The following ASIC4 variants were observed in gnomAD, a reference collection of about 807,000 sequenced individuals.
The protein encoded by ASIC4 is acid sensing ion channel subunit family member 4.
A neutral mutation model predicts 53.4 loss-of-function variants in ASIC4; 28 were observed. The observed-to-expected ratio is 0.52, with a 90% CI of 0.39 to 0.72. The LOEUF is 0.72. Among genes scored for constraint, ASIC4 ranks in the 30% least tolerant of loss-of-function variants. ASIC4 has a pLI of 0.00. For missense variants in ASIC4, 649 were observed against 729.7 expected, an observed-to-expected ratio of 0.89 and a Z score of 1.27; for synonymous variants, 289 against 301.4, an observed-to-expected ratio of 0.96 and a Z score of 0.43.
At chr2:219,512,658 T>C (rs1694716985), upstream of ASIC4, among the ~76,000 whole-genome samples, 1 of 152,196 alleles carries the variant, frequency 6.6e-6, no homozygotes, top group Non-Finnish European at 1.5e-5. Context: ...CTTTCAGTGC[T>C]AACTCAGCGG....
rs1694828914 is a variant in ASIC4, at chr2:219,518,278, A to G, written c.582+2972A>G. On this transcript the variant is annotated intron_variant, in intron 1 of 9. Coordinates refer to ENST00000358078, the MANE Select transcript of ASIC4 (RefSeq NM_018674.6). This position sits in a 1 kb window ranked among gnomAD's most constrained non-coding sequence, Gnocchi z 4.8. ...CCATGCAAGAGTTAATCAGCCATGC[A>G]AGTGGTGTCATAAGGTGCCAGGATC... is the stretch of plus-strand genomic sequence containing the variant. 6.6e-6 allele frequency among the ~76,000 whole-genome samples: 1 copy of G among 152,158 alleles called. No individual in the cohort carries two copies. Among genetic ancestry groups the G allele is most frequent in the South Asian group, 2.1e-4 (1 of 4,820 alleles).
intron 1 of ASIC4, among the ~76,000 whole-genome samples, chr2:219,529,662 T>C (rs1695009026): frequency 6.6e-6 from 1 of 152,176 alleles, no homozygotes; most frequent in Non-Finnish European, 1.5e-5. Context: ...CCCAGCTGTG[T>C]GACTTTGGAC....
chr2:219,517,691 C>G lies in ASIC4; in HGVS notation c.582+2385C>G, dbSNP rs942513817. Among the ~76,000 whole-genome samples, 5 of 152,062 alleles carry G rather than the reference C, an allele frequency of 3.3e-5. No homozygotes were observed. Among genetic ancestry groups the G allele is most frequent in the Non-Finnish European group, 7.4e-5 (5 of 68,012 alleles). ...GGGCATGGAGATGAAGATATGGGGT[C>G]TCCAAAAAGGACGTGAGGTCCATAA... On this transcript the variant is annotated intron_variant, in intron 1 of 9. Coordinates refer to ENST00000358078, the MANE Select transcript of ASIC4 (RefSeq NM_018674.6). This position sits in a 1 kb window ranked among gnomAD's most constrained non-coding sequence, Gnocchi z 4.2.
Position 219,538,017 on chromosome 2 carries a change from G to C in ASIC4, c.1591G>C (p.Gly531Arg). The C allele has an allele frequency of 6.2e-7, 1 of 1,613,420 alleles. No homozygotes were observed. Among genetic ancestry groups the C allele is most frequent in the Non-Finnish European group, 8.5e-7 (1 of 1,179,798 alleles). The part of the protein sequence containing the change: ...PNHHHPHGPP[G>R]GLFEDFAC Reference sequence around the variant, plus strand: ...TCACCACCACCCCCACGGTCCCCCAGGAGGTCTCTTTGAAGATTTTGCTTG... The same window carrying C: ...TCACCACCACCCCCACGGTCCCCCACGAGGTCTCTTTGAAGATTTTGCTTG... Residue 531 changes from glycine to arginine, a missense_variant, in exon 10 of 10, where the codon GGA becomes CGA. Coordinates refer to ENST00000358078, the MANE Select transcript of ASIC4 (RefSeq NM_018674.6).
chr2:219,537,574 C>T lies in ASIC4; in HGVS notation c.1402-58C>T, dbSNP rs1034492931. The stretch of plus-strand genomic sequence containing the variant: ...GGGCAGCTGGGCATGGTAAGGCTCA[C>T]GCTTCTCCTCAACCAAATTTCCTGA... On this transcript the variant is annotated intron_variant, in intron 8 of 9. Coordinates refer to ENST00000358078, the MANE Select transcript of ASIC4 (RefSeq NM_018674.6). The surrounding 1 kb of genome is among the most constrained non-coding windows in gnomAD (Gnocchi z 4.9). 36 of 1,475,296 alleles carry T rather than the reference C, an allele frequency of 2.4e-5. No individual in the cohort carries two copies. Among genetic ancestry groups the T allele is most frequent in the Middle Eastern group, 3.9e-4 (2 of 5,194 alleles). 91.4% of individuals were successfully genotyped at this position (1,475,296 alleles called of 1,614,324 possible). A position where few individuals can be genotyped will look rare whatever the true frequency, so the allele number is the denominator to read the frequency against.
chr2:219,515,606 C>T (rs566709312), intron 1 of ASIC4, among the ~76,000 whole-genome samples: 7 of 152,324 alleles, frequency 4.6e-5, no homozygotes, highest in East Asian at 3.9e-4. Flanking sequence ...GCCCAGGTGT[C>T]CTGGAGCTGG....
chr2:219,514,545 G>A lies in ASIC4; in HGVS notation c.-180G>A, dbSNP rs771204470. 108 of 1,558,788 alleles carry A rather than the reference G, an allele frequency of 6.9e-5. 3 individuals are homozygous for A. In the South Asian group the frequency reaches 1.2e-3, roughly 17 times the overall value. On this transcript the variant is annotated 5_prime_UTR_variant, in exon 1 of 10. Transcript: ENST00000358078. The stretch of plus-strand genomic sequence containing the variant: ...GAGGCAGCACCAGGGCTGCGGAGCT[G>A]CTGGGAGTGGGAGTGACTCCCCCAC...
At chr2:219,532,192 T>A (rs1695053600) in intron 3 of ASIC4, 64 bp downstream of exon 3, 2 of 1,607,500 alleles carry the variant, frequency 1.2e-6, no homozygotes, top group African/African-American at 1.3e-5. Context: ...AGAGGGGATG[T>A]GGAGCAAACC....
At chr2:219,508,266 T>A in the ASIC4 span, among the ~76,000 whole-genome samples, 1 of 152,094 alleles carries the variant, frequency 6.6e-6, no homozygotes, top group Non-Finnish European at 1.5e-5. Context: ...TCCTGACCCT[T>A]CTGTTCCGAG....
chr2:219,513,783 G>C (rs1209081300), upstream of ASIC4, among the ~76,000 whole-genome samples: 2 of 152,240 alleles, frequency 1.3e-5, no homozygotes, highest in Non-Finnish European at 2.9e-5. Context: ...TTGGGGTTGG[G>C]GGCAAAATGA....
At chr2:219,535,099 C>T (rs538605704) in intron 5 of ASIC4, 72 bp from the exon 6 acceptor site, 29 of 1,547,930 alleles carry the variant, frequency 1.9e-5, no homozygotes, top group Non-Finnish European at 2.5e-5. Flanking sequence ...CCTGGGCCTC[C>T]TCTCTGCAGC....
chr2:219,514,155 T>G, upstream of ASIC4: 1 of 670,296 alleles, frequency 1.5e-6, no homozygotes, highest in Non-Finnish European at 2.4e-6. Context: ...GGCCAGGAAG[T>G]GGGGAGATCT....
chr2:219,534,324 A>G (rs949003599), intron 5 of ASIC4, among the ~76,000 whole-genome samples: 1 of 152,258 alleles, frequency 6.6e-6, no homozygotes, highest in Non-Finnish European at 1.5e-5. Flanking sequence ...GATCAGGAGT[A>G]AGGTGCCTGC....
intron 1 of ASIC4, among the ~76,000 whole-genome samples, chr2:219,522,503 G>A (rs1694903069): frequency 6.6e-6 from 1 of 152,228 alleles, no homozygotes; most frequent in East Asian, 1.9e-4. Context: ...GGGACGTTGG[G>A]GAGCCCCAGG....
chr2:219,526,206 C>T (rs993875212), intron 1 of ASIC4, among the ~76,000 whole-genome samples: 4 of 152,178 alleles, frequency 2.6e-5, no homozygotes, highest in African/African-American at 7.2e-5. Flanking sequence ...TGAGAGAAGC[C>T]ACTGCTCTCA....
At position 219,536,595 on chromosome 2, in the gene ASIC4, T is replaced by G. The variant is rs1454288973; in HGVS notation, c.1230-471T>G. 1.5e-5 allele frequency among the ~76,000 whole-genome samples: 2 copies of G among 137,386 alleles called. No homozygotes were observed. The highest frequency in any genetic ancestry group is 2.8e-5 in the African/African-American group (1 of 35,870). The allele number at this position is 137,386 out of a possible 152,430, so 90.1% of individuals were successfully genotyped here. A position where few individuals can be genotyped will look rare whatever the true frequency, so the allele number is the denominator to read the frequency against. ...TGGGGAGGCGTCCAGTGACAGGACGTGGGGCGGTGGGGTGGTGTGGCGGGG... is the reference window on the plus strand; with the variant it reads ...TGGGGAGGCGTCCAGTGACAGGACGGGGGGCGGTGGGGTGGTGTGGCGGGG... On this transcript the variant is annotated intron_variant, in intron 6 of 9. Transcript: ENST00000358078. This position sits in a 1 kb window ranked among gnomAD's most constrained non-coding sequence, Gnocchi z 4.6.
At chr2:219,519,458 T>C (rs972396515) in intron 1 of ASIC4, among the ~76,000 whole-genome samples, 24 of 152,358 alleles carry the variant, frequency 1.6e-4, no homozygotes, top group Admixed American at 3.9e-4. Context: ...TCCTCTGCCC[T>C]GTACTAGCAT....
chr2:219,515,277 C>A lies in ASIC4; in HGVS notation c.553C>A (p.His185Asn), dbSNP rs769770561. The stretch of plus-strand genomic sequence containing the variant: ...GCTTAAGAGCTGCAACTTCAGTGGG[C>A]ATCACTGCTCCGCCAGCAACTTCTC... The part of the protein sequence containing the change: ...DMLKSCNFSG[H>N]HCSASNFSVV... The change falls in exon 1 of 10, where the codon CAT becomes AAT. Residue 185 changes from histidine (H) to asparagine (N), a missense_variant. His to Asn is a moderately conservative substitution (Grantham distance 68). Transcript: ENST00000358078. The A allele has an allele frequency of 6.2e-7, 1 of 1,612,548 alleles. No homozygotes were observed. The highest frequency in any genetic ancestry group is 1.7e-5 in the Admixed American group (1 of 59,990).
At chr2:219,512,660 A>G (rs2125649941), upstream of ASIC4, among the ~76,000 whole-genome samples, 1 of 152,226 alleles carries the variant, frequency 6.6e-6, no homozygotes, top group Non-Finnish European at 1.5e-5. Context: ...TTCAGTGCTA[A>G]CTCAGCGGCT....
Sources: gnomAD v4.1 joint callset for allele counts (sites outside exome capture counted in the v4.1 genomes callset) on GRCh38, gnomAD v4.1.1 for gene constraint, Gnocchi (gnomAD v3.1) non-coding constraint, MANE v1.5 for transcripts, NCBI Gene and HGNC (gene_info 2026-07-23, HGNC 2026-07-21) for gene names.